ACSM1: variants seen among roughly 807,000 people sequenced by gnomAD.
ACSM1 encodes the protein acyl-CoA synthetase medium chain family member 1.
A neutral mutation model predicts 75.8 loss-of-function variants in ACSM1; 79 were observed. The observed-to-expected ratio is 1.04, with a 90% CI of 0.87 to 1.26. The LOEUF (loss-of-function observed/expected upper bound fraction) is 1.26. ACSM1 is among the 50% of genes most tolerant of loss of function. The pLI is 0.00. For missense variants in ACSM1, 676 were observed against 720.1 expected (o/e 0.94, Z 0.70); for synonymous variants, 279 against 265.8 (o/e 1.05, Z -0.48).
chr16:20,687,858 C>T (rs1211691860), intron 2 of ACSM1, among the ~76,000 whole-genome samples: 1 of 152,004 alleles, frequency 6.6e-6, no homozygotes, highest in Non-Finnish European at 1.5e-5. Flanking sequence ...CCGAGGCTAC[C>T]GGATCACTTG....
chr16:20,628,998 C>G (rs1313383041), intron 10 of ACSM1, among the ~76,000 whole-genome samples: 1 of 152,108 alleles, frequency 6.6e-6, no homozygotes, highest in East Asian at 1.9e-4. Context: ...AATTACATCC[C>G]TTTTTGGATT....
chr16:20,684,326 C>T (rs773199470), intron 3 of ACSM1, among the ~76,000 whole-genome samples: 32 of 152,154 alleles, frequency 2.1e-4, no homozygotes, highest in Middle Eastern at 3.2e-3. Flanking sequence ...GCTTAAGGAT[C>T]ACACAATGAA....
intron 7 of ACSM1, among the ~76,000 whole-genome samples, chr16:20,654,795 T>C (rs1247708688): frequency 1.3e-5 from 2 of 152,194 alleles, no homozygotes; most frequent in African/African-American, 2.4e-5. Flanking sequence ...TTTACACTGT[T>C]GGTGGGACTG....
chr16:20,673,863 T>C (rs1290471744), intron 4 of ACSM1, among the ~76,000 whole-genome samples: 1 of 152,174 alleles, frequency 6.6e-6, no homozygotes, highest in African/African-American at 2.4e-5. Context: ...TTTACAAATC[T>C]CCTTTGCACA....
intron 7 of ACSM1, among the ~76,000 whole-genome samples, chr16:20,642,337 A>G (rs2018111065): frequency 6.6e-6 from 1 of 152,224 alleles, no homozygotes; most frequent in South Asian, 2.1e-4. Context: ...TTACTAACCC[A>G]TCAGCCCCAC....
intron 10 of ACSM1, among the ~76,000 whole-genome samples, chr16:20,636,141 G>A (rs2017692805): frequency 6.6e-6 from 1 of 152,148 alleles, no homozygotes; most frequent in African/African-American, 2.4e-5. Flanking sequence ...CAATTTCAGG[G>A]TCTGGTCATC....
At chr16:20,695,440 GA>G (rs1317605283) in intron 1 of ACSM1, among the ~76,000 whole-genome samples, 3 of 152,054 alleles carry the variant, frequency 2.0e-5, no homozygotes, top group Non-Finnish European at 4.4e-5. Context: ...TAAGCCAGAG[GA>G]AAAAAATTTC....
intron 10 of ACSM1, among the ~76,000 whole-genome samples, chr16:20,635,594 TTCTTTCTTTC>T (rs2017632165): frequency 3.8e-5 from 1 of 26,018 alleles, no homozygotes; most frequent in Non-Finnish European, 6.8e-5. Context: ...CTTTCTTTCT[TTCTTTCTTTC>T]TTTCTTTCTT....
intron 8 of ACSM1, among the ~76,000 whole-genome samples, chr16:20,638,956 G>A (rs143684321): frequency 4.7e-4 from 72 of 152,250 alleles, no homozygotes; most frequent in African/African-American, 1.7e-3. Context: ...ACATAGGCCC[G>A]AAGTGTCAGC....
At chr16:20,630,401 G>C (rs2017275707) in intron 10 of ACSM1, among the ~76,000 whole-genome samples, 1 of 152,048 alleles carries the variant, frequency 6.6e-6, no homozygotes, top group African/African-American at 2.4e-5. Context: ...TAAAGTTTAA[G>C]TTAAAAATAA....
intron 7 of ACSM1, among the ~76,000 whole-genome samples, chr16:20,655,001 A>G (rs955740801): frequency 7.2e-5 from 11 of 152,260 alleles, no homozygotes; most frequent in African/African-American, 2.4e-4. Context: ...ACCAACCCAA[A>G]TGTCCAAAAA....
intron 7 of ACSM1, among the ~76,000 whole-genome samples, chr16:20,649,519 T>A (rs958229704): frequency 4.6e-5 from 7 of 152,168 alleles, no homozygotes; most frequent in African/African-American, 1.7e-4. Context: ...CTCTTTTAAA[T>A]CCAGTAAGAA....
chr16:20,626,333 G>C (rs912781377), intron 11 of ACSM1, among the ~76,000 whole-genome samples: 1 of 151,022 alleles, frequency 6.6e-6, no homozygotes, highest in Non-Finnish European at 1.5e-5. Flanking sequence ...GGGAGACTCT[G>C]TCTCAGAAAA....
At chr16:20,681,687 A>T (rs1160442782) in intron 4 of ACSM1, 1 of 154,120 alleles carries the variant, frequency 6.5e-6, no homozygotes, top group African/African-American at 2.4e-5. Flanking sequence ...GCTTTCTATT[A>T]ACACCTTTGT....
At chr16:20,632,566 G>A (rs2017412644) in intron 10 of ACSM1, among the ~76,000 whole-genome samples, 1 of 152,134 alleles carries the variant, frequency 6.6e-6, no homozygotes, top group Admixed American at 6.5e-5. Context: ...AAAGAGAAAA[G>A]GCCTAGGCCA....
At chr16:20,627,423 G>A in intron 10 of ACSM1, 107 bp from the exon 11 acceptor site, 1 of 1,330,854 alleles carries the variant, frequency 7.5e-7, no homozygotes, top group Non-Finnish European at 9.9e-7. Flanking sequence ...TTTCTACTCG[G>A]TACCTGGGCA....
intron 6 of ACSM1, among the ~76,000 whole-genome samples, chr16:20,669,483 C>CACACACA (rs2019767882): frequency 1.3e-5 from 2 of 149,560 alleles, no homozygotes; most frequent in African/African-American, 2.5e-5. Context: ...CACACACACA[C>CACACACA]CCCAGCTGCT....
At chr16:20,657,373 A>T (rs2019033864) in intron 7 of ACSM1, among the ~76,000 whole-genome samples, 1 of 151,756 alleles carries the variant, frequency 6.6e-6, no homozygotes. Flanking sequence ...CAGCAGTGCG[A>T]TCTCAGCTCA....
intron 4 of ACSM1, chr16:20,674,502 T>G (rs972247716): frequency 6.4e-6 from 1 of 155,374 alleles, no homozygotes; most frequent in African/African-American, 2.4e-5. Flanking sequence ...TGTTCTGGGC[T>G]CAGTCCTTTG....
Sources: gnomAD v4.1 joint callset for allele counts (sites outside exome capture counted in the v4.1 genomes callset) on GRCh38, gnomAD v4.1.1 for gene constraint, MANE v1.5 for transcripts, NCBI Gene and HGNC (gene_info 2026-07-23, HGNC 2026-07-21) for gene names.